COL22A1: variants seen among roughly 807,000 people sequenced by gnomAD.
The protein encoded by COL22A1 is collagen type XXII alpha 1 chain.
Under a neutral mutation model 248.9 loss-of-function variants are expected in COL22A1, and 221 were observed. The observed-to-expected ratio is 0.89, with a 90% CI of 0.80 to 0.99. The LOEUF (loss-of-function observed/expected upper bound fraction) is 0.99, where lower values mean the gene tolerates loss of function less well. Among genes scored for constraint, COL22A1 ranks in the 50% least tolerant of loss-of-function variants. COL22A1 has a pLI of 0.00. For synonymous variants in COL22A1, 891 were observed against 793.4 expected (o/e 1.12, Z -2.07); for missense variants, 2,240 against 2,179.0 (o/e 1.03, Z -0.56).
chr8:138,591,866 C>T (rs1817084100), intron 63 of COL22A1, among the ~76,000 whole-genome samples: 1 of 152,200 alleles, frequency 6.6e-6, no homozygotes, highest in Non-Finnish European at 1.5e-5. Context: ...CACTCATATT[C>T]ACATACTGAC....
At chr8:138,621,254 G>A (rs559229233) in intron 52 of COL22A1, among the ~76,000 whole-genome samples, 1 of 152,280 alleles carries the variant, frequency 6.6e-6, no homozygotes, top group African/African-American at 2.4e-5. Flanking sequence ...GACCGTAATG[G>A]GTACTTGACT....
intron 51 of COL22A1, among the ~76,000 whole-genome samples, chr8:138,625,230 G>A (rs958820979): frequency 1.1e-4 from 16 of 152,146 alleles, no homozygotes; most frequent in Admixed American, 1.3e-4. Flanking sequence ...GGGGAAGATC[G>A]AAGGCATCTA....
intron 40 of COL22A1, among the ~76,000 whole-genome samples, chr8:138,678,970 C>T (rs1825767577): frequency 1.3e-5 from 2 of 152,178 alleles, no homozygotes. Flanking sequence ...GGCTGGAGTA[C>T]AGTGGTGTAA....
At chr8:138,888,048 C>T (rs985060592) in intron 1 of COL22A1, among the ~76,000 whole-genome samples, 32 of 152,320 alleles carry the variant, frequency 2.1e-4, no homozygotes, top group African/African-American at 6.3e-4. Flanking sequence ...CATTTCTAAA[C>T]GTATTTTTCA....
At chr8:138,731,077 A>G (rs1830672139) in intron 23 of COL22A1, among the ~76,000 whole-genome samples, 1 of 152,104 alleles carries the variant, frequency 6.6e-6, no homozygotes, top group Non-Finnish European at 1.5e-5. Flanking sequence ...CGAGGCGGGC[A>G]GATCACCTGA....
chr8:138,872,459 A>G lies in COL22A1; in HGVS notation c.658+5291T>C, dbSNP rs117948784. ...TGGGGACAGGAGAGAGAGGACCACC[A>G]TAGTGTGTCCTCAAAATAGAAGTAG... On this transcript the variant is annotated intron_variant, in intron 3 of 64. Transcript: ENST00000303045. 5.6e-3 allele frequency among the ~76,000 whole-genome samples: 851 copies of G among 152,310 alleles called. 4 individuals carry two copies. Among genetic ancestry groups the G allele is most frequent in the African/African-American group, 0.018 (758 of 41,566 alleles).
At chr8:138,732,688 T>C (rs1330118932) in intron 23 of COL22A1, among the ~76,000 whole-genome samples, 1 of 151,826 alleles carries the variant, frequency 6.6e-6, no homozygotes, top group Non-Finnish European at 1.5e-5. Context: ...AATATGACTG[T>C]TCTCATTATT....
chr8:138,742,869 T>A (rs1341638104), intron 22 of COL22A1, among the ~76,000 whole-genome samples: 2 of 150,808 alleles, frequency 1.3e-5, no homozygotes, highest in Non-Finnish European at 2.9e-5. Flanking sequence ...ATGATGATGG[T>A]AGTAGTGATT....
At chr8:138,748,395 A>T (rs1453100547) in intron 22 of COL22A1, among the ~76,000 whole-genome samples, 3 of 152,222 alleles carry the variant, frequency 2.0e-5, no homozygotes, top group African/African-American at 7.2e-5. Flanking sequence ...AGAAGTCAAC[A>T]TGAGCTTTCT....
At chr8:138,660,076 G>A (rs868626101) in intron 44 of COL22A1, among the ~76,000 whole-genome samples, 2 of 152,180 alleles carry the variant, frequency 1.3e-5, no homozygotes, top group African/African-American at 4.8e-5. Flanking sequence ...CTGCTGGCCC[G>A]CAGTTGAACT....
At chr8:138,879,797 G>A (rs1218132065) in intron 2 of COL22A1, among the ~76,000 whole-genome samples, 1 of 151,682 alleles carries the variant, frequency 6.6e-6, no homozygotes, top group African/African-American at 2.4e-5. Flanking sequence ...AGAAGCAGAG[G>A]ACCAGGCCTC....
chr8:138,746,322 G>C (rs781053019), intron 22 of COL22A1, among the ~76,000 whole-genome samples: 1 of 152,134 alleles, frequency 6.6e-6, no homozygotes, highest in Non-Finnish European at 1.5e-5. Context: ...GAGCTCTTCT[G>C]AGTGATGTTT....
chr8:138,872,833 T>C (rs140841578), intron 3 of COL22A1, among the ~76,000 whole-genome samples: 2 of 152,334 alleles, frequency 1.3e-5, no homozygotes, highest in East Asian at 1.9e-4. Context: ...GGAGGTCAGA[T>C]ATGATGCCTG....
At chr8:138,743,373 A>T (rs1199565173) in intron 22 of COL22A1, among the ~76,000 whole-genome samples, 5 of 103,048 alleles carry the variant, frequency 4.9e-5, no homozygotes, top group South Asian at 3.1e-4. Context: ...GTGATGGTAG[A>T]GTTGATGATG....
intron 23 of COL22A1, among the ~76,000 whole-genome samples, chr8:138,725,659 G>A (rs927253324): frequency 2.0e-5 from 3 of 152,166 alleles, no homozygotes; most frequent in Non-Finnish European, 4.4e-5. Flanking sequence ...TTTGGGTGAT[G>A]GGCATGCCAT....
rs771757110 is a variant in COL22A1, at chr8:138,779,542, TC to T, written c.1670del (p.Gly557GlufsTer99). On this transcript the variant is annotated frameshift_variant, in exon 14 of 65. Transcript: ENST00000303045. LOFTEE classifies it high-confidence loss of function. The stretch of plus-strand genomic sequence containing the variant: ...CGACCTCACCCGGCAGCCCCGGCTC[TC>T]CCAGCTCTCCTGGCTCCCCCTGAAC... ...KGMRGEPGEL[G>X]EPGLPGEVGM... 6.2e-7 allele frequency: 1 copy of T among 1,613,442 alleles called. No individual in the cohort carries two copies. The highest frequency in any genetic ancestry group is 1.7e-5 in the Admixed American group (1 of 60,024).
At chr8:138,624,500 G>A (rs1448228173) in intron 51 of COL22A1, among the ~76,000 whole-genome samples, 2 of 152,102 alleles carry the variant, frequency 1.3e-5, no homozygotes, top group Non-Finnish European at 2.9e-5. Flanking sequence ...GGGAGGGATG[G>A]AGAAATGGAT....
chr8:138,733,788 G>A (rs912318784), intron 23 of COL22A1, among the ~76,000 whole-genome samples: 3 of 152,100 alleles, frequency 2.0e-5, no homozygotes, highest in Non-Finnish European at 4.4e-5. Flanking sequence ...GTGGATGCAG[G>A]GAGGGCCTTC....
At chr8:138,886,081 A>G (rs1824643857) in intron 1 of COL22A1, among the ~76,000 whole-genome samples, 1 of 152,116 alleles carries the variant, frequency 6.6e-6, no homozygotes, top group African/African-American at 2.4e-5. Flanking sequence ...TGATATCTGG[A>G]TGCTTACATC....
Sources: allele counts gnomAD v4.1 joint callset (sites outside exome capture counted in the v4.1 genomes callset), GRCh38; gene constraint gnomAD v4.1.1; transcripts MANE v1.5; gene names NCBI Gene and HGNC (gene_info 2026-07-23, HGNC 2026-07-21).